Variants in EBPL observed in about 807,000 individuals in gnomAD.
EBPL encodes the protein EBP like, also known as emopamil-binding protein-like.
A neutral mutation model predicts 19.0 loss-of-function variants in EBPL; 20 were observed. The ratio of observed to expected loss-of-function variants is 1.05; its 90% CI spans 0.74 to 1.53. EBPL has a LOEUF of 1.53. EBPL is among the 40% of genes most tolerant of loss of function. The pLI is 0.00. For missense variants in EBPL, 219 were observed against 261.1 expected, an observed-to-expected ratio of 0.84 and a Z score of 1.11; for synonymous variants, 107 against 117.0, an observed-to-expected ratio of 0.91 and a Z score of 0.55.
chr13:49,678,877 T>C (rs1184328687), intron 1 of EBPL, among the ~76,000 whole-genome samples: 2 of 151,448 alleles, frequency 1.3e-5, no homozygotes, highest in Non-Finnish European at 1.5e-5. Flanking sequence ...CAGGCATGGG[T>C]GGCACGCGCC....
At position 49,663,065 on chromosome 13, in the gene EBPL, T is replaced by C. The variant is rs760028150; in HGVS notation, c.372A>G (p.Lys124=). The change falls in exon 3 of 4, where the codon AAA becomes AAG. Residue 124 remains lysine, a synonymous_variant. Coordinates refer to ENST00000242827, the MANE Select transcript of EBPL (RefSeq NM_032565.5). ...AGAAGAAGGGCACCTACCGGTAATATTTTTCTTTGACTATGGCATAAATGA... is the reference window on the plus strand; with the variant it reads ...AGAAGAAGGGCACCTACCGGTAATACTTTTCTTTGACTATGGCATAAATGA... The part of the protein sequence containing the change: ...LFLIYAIVKE[K]YYRHFLQITL... 4 of 1,613,850 alleles carry C rather than the reference T, an allele frequency of 2.5e-6. No homozygotes were observed. Among genetic ancestry groups the C allele is most frequent in the Non-Finnish European group, 3.4e-6 (4 of 1,180,034 alleles).
At chr13:49,671,023 A>G (rs1027023815) in intron 1 of EBPL, among the ~76,000 whole-genome samples, 1 of 152,218 alleles carries the variant, frequency 6.6e-6, no homozygotes, top group African/African-American at 2.4e-5. Flanking sequence ...CAGCATTTAC[A>G]ATGTTGTGAT....
At chr13:49,661,339 A>C (rs1363814962) in intron 3 of EBPL, 131 bp from the exon 4 acceptor site, 1 of 729,728 alleles carries the variant, frequency 1.4e-6, no homozygotes. Context: ...TGGGCCTCAG[A>C]TGTTGGGTGG....
At chr13:49,671,690 C>T (rs1953818112) in intron 1 of EBPL, among the ~76,000 whole-genome samples, 1 of 152,212 alleles carries the variant, frequency 6.6e-6, no homozygotes, top group Admixed American at 6.5e-5. Flanking sequence ...TTGACCCTCT[C>T]TAGGCCTCAG....
chr13:49,662,484 G>C (rs1380042996), intron 3 of EBPL, among the ~76,000 whole-genome samples: 1 of 152,156 alleles, frequency 6.6e-6, no homozygotes, highest in East Asian at 1.9e-4. Flanking sequence ...AGTATTGGTG[G>C]CAAATCATCC....
At chr13:49,672,774 A>G (rs1475201829) in intron 1 of EBPL, among the ~76,000 whole-genome samples, 1 of 152,172 alleles carries the variant, frequency 6.6e-6, no homozygotes, top group Non-Finnish European at 1.5e-5. Flanking sequence ...AATGGCTAAA[A>G]TAAGGTTGGG....
intron 2 of EBPL, among the ~76,000 whole-genome samples, chr13:49,667,872 C>G (rs897609938): frequency 1.6e-4 from 24 of 152,148 alleles, no homozygotes; most frequent in Admixed American, 1.6e-3. Flanking sequence ...GGGATTGAGC[C>G]AAATCTGGGC....
rs141910463 is a variant in EBPL, at chr13:49,690,060, G to A, written c.171+1194C>T. 3.7e-4 allele frequency among the ~76,000 whole-genome samples: 56 copies of A among 150,400 alleles called. No homozygotes were observed. In the East Asian group the frequency reaches 0.011, roughly 29 times the overall value. Reference sequence around the variant, plus strand: ...AGCTACTCGGGAGGCTGAGGCAGGAGAATAGCTTTAACCCAAGGGGCGGAG... The same window carrying A: ...AGCTACTCGGGAGGCTGAGGCAGGAAAATAGCTTTAACCCAAGGGGCGGAG... On this transcript the variant is annotated intron_variant, in intron 1 of 3. Coordinates refer to ENST00000242827, the MANE Select transcript of EBPL (RefSeq NM_032565.5).
At chr13:49,680,631 G>A (rs1953931980) in intron 1 of EBPL, among the ~76,000 whole-genome samples, 1 of 152,266 alleles carries the variant, frequency 6.6e-6, no homozygotes, top group East Asian at 1.9e-4. Context: ...AGACCATCCT[G>A]GCCATCATGG....
chr13:49,668,940 C>A (rs543577517), intron 2 of EBPL, among the ~76,000 whole-genome samples: 1 of 146,862 alleles, frequency 6.8e-6, no homozygotes, highest in Admixed American at 6.9e-5. Flanking sequence ...AGTGCAGTGG[C>A]GTGATCTCGG....
Position 49,676,419 on chromosome 13 carries a change from G to A in EBPL, c.172-6573C>T, listed in dbSNP as rs1953876675. On this transcript the variant is annotated intron_variant, in intron 1 of 3. Coordinates refer to ENST00000242827, the MANE Select transcript of EBPL (RefSeq NM_032565.5). ...ATCCTGGTTAACACGGCGAAACCCCGTCTCTACTAAAAATACAAAAAAATT... is the reference window on the plus strand; with the variant it reads ...ATCCTGGTTAACACGGCGAAACCCCATCTCTACTAAAAATACAAAAAAATT... Among the ~76,000 whole-genome samples, 5 of 152,028 alleles carry A rather than the reference G, an allele frequency of 3.3e-5. No homozygotes were observed. In the South Asian group the frequency reaches 1.0e-3, roughly 32 times the overall value.
In EBPL at chr13:49,679,354, G is replaced by A. The variant is rs1953917620; in HGVS notation, c.172-9508C>T. Reference sequence around the variant, plus strand: ...ATCTGGAACTAAGATTCATGTTTGAGCTCAACAAGCACTGAGGATCTAAGG... The same window carrying A: ...ATCTGGAACTAAGATTCATGTTTGAACTCAACAAGCACTGAGGATCTAAGG... On this transcript the variant is annotated intron_variant, in intron 1 of 3. Transcript: ENST00000242827. Among the ~76,000 whole-genome samples, 5 of 152,294 alleles carry A rather than the reference G, an allele frequency of 3.3e-5. No individual in the cohort carries two copies. The South Asian group carries it at 1.0e-3, about 32-fold the overall frequency.
At chr13:49,686,518 A>G in intron 1 of EBPL, 1 of 1,289,440 alleles carries the variant, frequency 7.8e-7, no homozygotes, top group Non-Finnish European at 1.0e-6. Context: ...ACAGCAATTT[A>G]TCAGTGTTCT....
At chr13:49,667,142 C>T (rs999488335) in intron 2 of EBPL, among the ~76,000 whole-genome samples, 1 of 152,118 alleles carries the variant, frequency 6.6e-6, no homozygotes. Context: ...CCAGTCCCAG[C>T]GCATCTCCCT....
intron 1 of EBPL, among the ~76,000 whole-genome samples, chr13:49,671,433 C>T (rs926933478): frequency 6.6e-6 from 1 of 152,134 alleles, no homozygotes; most frequent in African/African-American, 2.4e-5. Context: ...GTCACCGTGC[C>T]AGGCTCCAAA....
At chr13:49,676,410 C>T (rs993217333) in intron 1 of EBPL, among the ~76,000 whole-genome samples, 1 of 151,876 alleles carries the variant, frequency 6.6e-6, no homozygotes, top group Non-Finnish European at 1.5e-5. Flanking sequence ...GTTAACACGG[C>T]GAAACCCCGT....
At chr13:49,690,980 G>A (rs935213834) in intron 1 of EBPL, among the ~76,000 whole-genome samples, 1 of 152,200 alleles carries the variant, frequency 6.6e-6, no homozygotes, top group African/African-American at 2.4e-5. Context: ...GGAAGCTGAG[G>A]TATCTTCTAA....
intron 1 of EBPL, chr13:49,686,602 T>G: frequency 7.8e-7 from 1 of 1,289,270 alleles, no homozygotes; most frequent in Non-Finnish European, 1.0e-6. Flanking sequence ...TCTCCTAGGA[T>G]AGATATTTTA....
intron 2 of EBPL, among the ~76,000 whole-genome samples, chr13:49,668,973 G>C (rs1953779328): frequency 6.6e-6 from 1 of 150,664 alleles, no homozygotes; most frequent in Admixed American, 6.6e-5. Context: ...TCCACCTCCT[G>C]GGTTCACGCC....
Sources: allele counts gnomAD v4.1 joint callset (sites outside exome capture counted in the v4.1 genomes callset), GRCh38; gene constraint gnomAD v4.1.1; transcripts MANE v1.5; gene names NCBI Gene and HGNC (gene_info 2026-07-23, HGNC 2026-07-21).